Variants in ZZZ3 observed in about 807,000 individuals in gnomAD.
The protein encoded by ZZZ3 is zinc finger ZZ-type containing 3.
In ZZZ3, 22 loss-of-function variants were observed where a neutral mutation model predicts 95.2. The observed-to-expected ratio is 0.23, with a 90% confidence interval of 0.17 to 0.33. ZZZ3 has a LOEUF of 0.33. Ranked by LOEUF, ZZZ3 falls within the 10% of genes least tolerant of loss-of-function variation. ZZZ3 has a pLI of 1.00. For missense variants in ZZZ3, 885 were observed against 1,066.5 expected (o/e 0.83, Z 2.37); for synonymous variants, 335 against 358.9 (o/e 0.93, Z 0.75).
rs182010469 is a variant in ZZZ3, at chr1:77,625,779, C to A, written c.1505+6071G>T. 1.5e-3 allele frequency among the ~76,000 whole-genome samples: 225 copies of A among 151,466 alleles called. 7 individuals carry two copies. The highest frequency in any genetic ancestry group is 2.7e-4 in the Non-Finnish European group (18 of 67,852). ...CTGAGGGGGGCGGATCACTTGAGGT[C>A]AGGAGTTCGAGACCAGCCTGGTCAA... On this transcript the variant is annotated intron_variant, in intron 5 of 14. Coordinates refer to ENST00000370801, the MANE Select transcript of ZZZ3 (RefSeq NM_015534.6).
At chr1:77,636,440 T>C (rs1321571867) in intron 4 of ZZZ3, among the ~76,000 whole-genome samples, 1 of 152,098 alleles carries the variant, frequency 6.6e-6, no homozygotes, top group Non-Finnish European at 1.5e-5. Flanking sequence ...AAGCTGGTCA[T>C]GGTGGCTCAG....
chr1:77,604,875 G>A (rs1168345778), intron 5 of ZZZ3, among the ~76,000 whole-genome samples: 1 of 151,958 alleles, frequency 6.6e-6, no homozygotes, highest in Non-Finnish European at 1.5e-5. Flanking sequence ...ATTTATACAC[G>A]TATCCCTGCC....
At position 77,566,130 on chromosome 1, in the gene ZZZ3, C is replaced by G; in HGVS notation, c.2518G>C (p.Asp840His). The G allele has an allele frequency of 6.2e-7, 1 of 1,613,484 alleles. No homozygotes were observed. The highest frequency in any genetic ancestry group is 8.5e-7 in the Non-Finnish European group (1 of 1,179,674). ...TCCAAAGACATTTCTGGAGGACAAT[C>G]CTGGCAATGCCACCGAACACCCTGG... ...PIQGVRWHCQDCPPEMSLDFC... is the reference protein window; with the variant it reads ...PIQGVRWHCQHCPPEMSLDFC... The change falls in exon 14 of 15, where the codon GAT becomes CAT. Residue 840 changes from aspartate to histidine, a missense_variant. By Grantham distance (81) the Asp-to-His change is moderately conservative (BLOSUM62 -1). Coordinates refer to ENST00000370801, the MANE Select transcript of ZZZ3 (RefSeq NM_015534.6).
At chr1:77,594,438 T>C (rs1664023220) in intron 5 of ZZZ3, among the ~76,000 whole-genome samples, 1 of 152,106 alleles carries the variant, frequency 6.6e-6, no homozygotes, top group Non-Finnish European at 1.5e-5. Context: ...GAAAGCCATT[T>C]TTCTACATCT....
chr1:77,650,990 T>G (rs1171725529), intron 1 of ZZZ3, among the ~76,000 whole-genome samples: 1 of 152,208 alleles, frequency 6.6e-6, no homozygotes, highest in Admixed American at 6.6e-5. Context: ...CTAGGACAAC[T>G]GGATATCCAC....
intron 5 of ZZZ3, among the ~76,000 whole-genome samples, chr1:77,609,907 T>A (rs1433684896): frequency 4.6e-5 from 7 of 152,022 alleles, no homozygotes; most frequent in Non-Finnish European, 1.0e-4. Context: ...AAGGGAAGTT[T>A]ATAGGTATCA....
intron 1 of ZZZ3, among the ~76,000 whole-genome samples, chr1:77,658,193 A>AC (rs1670457893): frequency 6.6e-6 from 1 of 151,562 alleles, no homozygotes; most frequent in East Asian, 1.9e-4. Flanking sequence ...AAAAAAAAAA[A>AC]AAAAAAAAAC....
At chr1:77,666,385 T>C (rs1671253308) in intron 1 of ZZZ3, among the ~76,000 whole-genome samples, 1 of 151,724 alleles carries the variant, frequency 6.6e-6, no homozygotes, top group Admixed American at 6.6e-5. Flanking sequence ...ATACAAAAAT[T>C]AGCCAGGTGT....
At chr1:77,643,351 C>T (rs969798164) in intron 1 of ZZZ3, among the ~76,000 whole-genome samples, 2 of 152,134 alleles carry the variant, frequency 1.3e-5, no homozygotes, top group African/African-American at 2.4e-5. Flanking sequence ...CTGTTATATG[C>T]TTTTTGCAGC....
chr1:77,670,014 A>C (rs1671605857), intron 1 of ZZZ3, among the ~76,000 whole-genome samples: 1 of 152,054 alleles, frequency 6.6e-6, no homozygotes, highest in African/African-American at 2.4e-5. Context: ...GCACTTAAAA[A>C]GAATTAATAT....
chr1:77,605,393 G>A (rs1665134353), intron 5 of ZZZ3, among the ~76,000 whole-genome samples: 2 of 152,166 alleles, frequency 1.3e-5, no homozygotes, highest in Non-Finnish European at 2.9e-5. Flanking sequence ...GTGCTCTAGA[G>A]CATTAAATAA....
intron 5 of ZZZ3, among the ~76,000 whole-genome samples, chr1:77,615,450 T>C (rs568239437): frequency 1.3e-5 from 2 of 152,280 alleles, no homozygotes; most frequent in East Asian, 1.9e-4. Flanking sequence ...GGAAAAAAGA[T>C]GGTTAAATTA....
intron 7 of ZZZ3, 40 bp downstream of exon 7, chr1:77,581,939 G>T: frequency 6.2e-7 from 1 of 1,602,226 alleles, no homozygotes. Context: ...AACATTGCCA[G>T]ATATTTTTCT....
Position 77,581,072 on chromosome 1 carries a change from G to A in ZZZ3, c.1909-3C>T, listed in dbSNP as rs767055176. 8 of 1,613,228 alleles carry A rather than the reference G, an allele frequency of 5.0e-6. No individual in the cohort carries two copies. The highest frequency in any genetic ancestry group is 1.3e-5 in the African/African-American group (1 of 75,016). On this transcript the variant is annotated splice_region_variant and splice_polypyrimidine_tract_variant and intron_variant, in intron 8 of 14. Coordinates refer to ENST00000370801, the MANE Select transcript of ZZZ3 (RefSeq NM_015534.6). ...TCACACAAGCGTCCTCTTATCATCT[G>A]CACATAAGACAAGGCTTTTGTCAGA...
At chr1:77,577,176 C>CT (rs1183150630) in intron 11 of ZZZ3, among the ~76,000 whole-genome samples, 2 of 152,148 alleles carry the variant, frequency 1.3e-5, no homozygotes, top group Admixed American at 1.3e-4. Context: ...AATTTAAACT[C>CT]TAACAATGGC....
intron 1 of ZZZ3, among the ~76,000 whole-genome samples, chr1:77,666,432 C>T (rs552688789): frequency 6.6e-6 from 1 of 152,212 alleles, no homozygotes; most frequent in South Asian, 2.1e-4. Flanking sequence ...ACTTGGGAAG[C>T]AGAGGTGGGA....
At chr1:77,651,360 C>CAG (rs1007243728) in intron 1 of ZZZ3, among the ~76,000 whole-genome samples, 9 of 152,068 alleles carry the variant, frequency 5.9e-5, no homozygotes, top group African/African-American at 2.2e-4. Context: ...GCGTGGGCGA[C>CAG]AGAGAGAGAG....
chr1:77,587,592 C>T (rs1048037050), intron 5 of ZZZ3, among the ~76,000 whole-genome samples: 1 of 152,082 alleles, frequency 6.6e-6, no homozygotes, highest in Non-Finnish European at 1.5e-5. Flanking sequence ...GGGGAGGTGC[C>T]GACTGTACTA....
intron 1 of ZZZ3, among the ~76,000 whole-genome samples, chr1:77,678,569 T>A (rs1557789186): frequency 6.6e-6 from 1 of 152,240 alleles, no homozygotes; most frequent in Non-Finnish European, 1.5e-5. Flanking sequence ...GATACTGTCA[T>A]TCCTTCAGAA....
Sources: gnomAD v4.1 joint callset for allele counts (sites outside exome capture counted in the v4.1 genomes callset) on GRCh38, gnomAD v4.1.1 for gene constraint, MANE v1.5 for transcripts, NCBI Gene and HGNC (gene_info 2026-07-23, HGNC 2026-07-21) for gene names.